The following MAF variants were observed in gnomAD, a reference collection of about 807,000 sequenced individuals.
MAF encodes MAF bZIP transcription factor, also known as transcription factor Maf.
A neutral mutation model predicts 22.0 loss-of-function variants in MAF; 10 were observed. That is an observed-to-expected ratio of 0.45 (90% CI 0.28 to 0.77). The LOEUF is 0.77. MAF is among the 30% of genes least tolerant of loss of function. MAF has a pLI of 0.12. For synonymous variants in MAF, 337 were observed against 255.8 expected (o/e 1.32, Z -3.03); for missense variants, 544 against 548.4 (o/e 0.99, Z 0.08).
the MAF span, among the ~76,000 whole-genome samples, chr16:79,520,534 G>C: frequency 6.6e-6 from 1 of 152,044 alleles, no homozygotes; most frequent in Non-Finnish European, 1.5e-5. Context: ...CTGAAATCTG[G>C]ATAAGTAGTA....
At chr16:79,340,296 T>C in the MAF span, among the ~76,000 whole-genome samples, 2 of 151,960 alleles carry the variant, frequency 1.3e-5, no homozygotes, top group Admixed American at 6.6e-5. Flanking sequence ...TTCAAAAAGA[T>C]GCCTTGTTAT....
chr16:79,506,626 G>C, the MAF span, among the ~76,000 whole-genome samples: 10 of 152,340 alleles, frequency 6.6e-5, no homozygotes, highest in South Asian at 2.1e-3. Flanking sequence ...AAGACCCAGA[G>C]GCAGTATTTT....
chr16:79,285,454 T>A, the MAF span, among the ~76,000 whole-genome samples: 113 of 152,102 alleles, frequency 7.4e-4, 2 homozygotes, highest in African/African-American at 2.7e-3. Flanking sequence ...GGACAGCAGT[T>A]TTTCCGAAAA....
chr16:79,491,462 G>A, the MAF span, among the ~76,000 whole-genome samples: 16 of 152,190 alleles, frequency 1.1e-4, no homozygotes, highest in South Asian at 2.7e-3. Flanking sequence ...AGCCAGCTTC[G>A]CAGTCTCGAG....
chr16:79,552,844 T>A, the MAF span, among the ~76,000 whole-genome samples: 2 of 152,112 alleles, frequency 1.3e-5, no homozygotes, highest in Non-Finnish European at 2.9e-5. Flanking sequence ...TGGTAAATGT[T>A]GACACATGAG....
chr16:79,206,902 G>T, the MAF span, among the ~76,000 whole-genome samples: 1 of 152,214 alleles, frequency 6.6e-6, no homozygotes, highest in African/African-American at 2.4e-5. Flanking sequence ...ATTGCTCTTG[G>T]ATAGTGAGTA....
At chr16:79,553,919 T>G in the MAF span, among the ~76,000 whole-genome samples, 3 of 151,932 alleles carry the variant, frequency 2.0e-5, no homozygotes, top group African/African-American at 7.3e-5. Flanking sequence ...TGAAACTCCA[T>G]CTCTACTAAA....
At chr16:79,499,750 T>A in the MAF span, among the ~76,000 whole-genome samples, 2 of 152,080 alleles carry the variant, frequency 1.3e-5, no homozygotes, top group African/African-American at 4.8e-5. Context: ...CTGTGCAAAA[T>A]AAATTTCTGT....
At chr16:79,274,688 GAATGGT>G in the MAF span, among the ~76,000 whole-genome samples, 2 of 152,176 alleles carry the variant, frequency 1.3e-5, no homozygotes, top group Non-Finnish European at 2.9e-5. Context: ...AAGCTGCAAA[GAATGGT>G]CTTTGTACCA....
the MAF span, among the ~76,000 whole-genome samples, chr16:79,210,765 A>G: frequency 2.0e-5 from 3 of 152,038 alleles, no homozygotes; most frequent in African/African-American, 7.2e-5. Context: ...AGCATCCCTG[A>G]CAGTATTCTG....
At chr16:79,312,488 T>A in the MAF span, among the ~76,000 whole-genome samples, 1 of 152,230 alleles carries the variant, frequency 6.6e-6, no homozygotes, top group African/African-American at 2.4e-5. Context: ...TCTCTCTCCA[T>A]TGGCTTCTCT....
At chr16:79,308,378 CCTCTGGG>C in the MAF span, among the ~76,000 whole-genome samples, 1 of 152,116 alleles carries the variant, frequency 6.6e-6, no homozygotes, top group African/African-American at 2.4e-5. Flanking sequence ...AGGAGTTTGG[CCTCTGGG>C]AGGCACCTCT....
the MAF span, among the ~76,000 whole-genome samples, chr16:79,373,470 T>A: frequency 7.2e-6 from 1 of 139,198 alleles, no homozygotes; most frequent in Non-Finnish European, 1.5e-5. Context: ...GCAACCTCCA[T>A]CTCCTGGGTT....
chr16:79,451,269 C>T, the MAF span, among the ~76,000 whole-genome samples: 9 of 152,156 alleles, frequency 5.9e-5, no homozygotes, highest in Non-Finnish European at 1.0e-4. Context: ...ATGTGGTAGG[C>T]ATTTATAAGT....
the MAF span, among the ~76,000 whole-genome samples, chr16:79,303,781 T>C: frequency 3.3e-5 from 5 of 152,090 alleles, no homozygotes; most frequent in African/African-American, 1.2e-4. Context: ...CAATGTTTAT[T>C]AAAACAAACA....
At chr16:79,338,574 A>G in the MAF span, among the ~76,000 whole-genome samples, 1 of 151,330 alleles carries the variant, frequency 6.6e-6, no homozygotes, top group South Asian at 2.1e-4. Context: ...GTACAAGGTT[A>G]CAGAAGCAAA....
At chr16:79,413,667 T>C in the MAF span, among the ~76,000 whole-genome samples, 3 of 152,230 alleles carry the variant, frequency 2.0e-5, no homozygotes, top group Non-Finnish European at 4.4e-5. Flanking sequence ...CAATAATGTA[T>C]GTATTTCACA....
At chr16:79,494,360 G>A in the MAF span, among the ~76,000 whole-genome samples, 1 of 152,134 alleles carries the variant, frequency 6.6e-6, no homozygotes, top group African/African-American at 2.4e-5. Context: ...CTTGCTGGCT[G>A]TCAGCAGGAG....
At chr16:79,233,872 A>G in the MAF span, among the ~76,000 whole-genome samples, 3 of 151,676 alleles carry the variant, frequency 2.0e-5, no homozygotes, top group Non-Finnish European at 2.9e-5. Context: ...GGCACCTGTA[A>G]TCCCAGCTAC....
Sources: gnomAD v4.1 joint callset for allele counts (sites outside exome capture counted in the v4.1 genomes callset) on GRCh38, gnomAD v4.1.1 for gene constraint, MANE v1.5 for transcripts, NCBI Gene and HGNC (gene_info 2026-07-23, HGNC 2026-07-21) for gene names.